Variants in MYO9A observed in about 807,000 individuals in gnomAD.
MYO9A encodes the protein unconventional myosin-IXa.
In MYO9A, 103 loss-of-function variants were observed where a neutral mutation model predicts 293.3. The ratio of observed to expected loss-of-function variants is 0.35; its 90% CI spans 0.30 to 0.41. The LOEUF (loss-of-function observed/expected upper bound fraction) is 0.41, where lower values mean the gene tolerates loss of function less well. Among genes scored for constraint, MYO9A ranks in the 10% least tolerant of loss-of-function variants. The pLI, the probability that MYO9A is intolerant of heterozygous loss-of-function variation, is 1.00. For synonymous variants in MYO9A, 1,001 were observed against 1,035.7 expected (o/e 0.97, Z 0.64); for missense variants, 2,685 against 3,033.0 (o/e 0.89, Z 2.69).
chr15:71,923,288 G>A (rs1169052254), intron 18 of MYO9A, among the ~76,000 whole-genome samples: 1 of 152,046 alleles, frequency 6.6e-6, no homozygotes, highest in Non-Finnish European at 1.5e-5. Flanking sequence ...AGTTTGTTGA[G>A]GATTTATGCA....
intron 14 of MYO9A, among the ~76,000 whole-genome samples, chr15:71,957,448 A>G (rs141699085): frequency 1.5e-3 from 225 of 152,216 alleles, no homozygotes; most frequent in African/African-American, 4.7e-3. Context: ...TTGCCCTACT[A>G]TACTGCCCAA....
At chr15:71,942,606 A>C (rs995316010) in intron 15 of MYO9A, among the ~76,000 whole-genome samples, 2 of 151,912 alleles carry the variant, frequency 1.3e-5, no homozygotes, top group African/African-American at 4.8e-5. Context: ...TTTGTTCCAC[A>C]AATTGTATAC....
intron 18 of MYO9A, among the ~76,000 whole-genome samples, chr15:71,924,884 C>T (rs2058251285): frequency 6.6e-6 from 1 of 151,032 alleles, no homozygotes; most frequent in Non-Finnish European, 1.5e-5. Flanking sequence ...CGTGTCACTG[C>T]ACTCCAGTCT....
chr15:72,103,670 G>GAAGTAA (rs2080471943), intron 1 of MYO9A, among the ~76,000 whole-genome samples: 1 of 152,232 alleles, frequency 6.6e-6, no homozygotes, highest in African/African-American at 2.4e-5. Context: ...AGAAGCAGCA[G>GAAGTAA]CAGAAGCAGA....
chr15:71,863,901 G>GTTT lies in MYO9A; in HGVS notation c.5980-1291_5980-1290insAAA, dbSNP rs931003818. Among the ~76,000 whole-genome samples the GTTT allele has an allele frequency of 1.4e-3, 215 of 152,116 alleles. 1 individual carries two copies. Among genetic ancestry groups the GTTT allele is most frequent in the African/African-American group, 5.0e-3 (206 of 41,480 alleles). On this transcript the variant is annotated intron_variant, in intron 32 of 41. Coordinates refer to ENST00000356056, the MANE Select transcript of MYO9A (RefSeq NM_006901.4). ...ATACGGCACCAAAACTTTACATATG[G>GTTT]TAACTTAAAAGTTAAGTAAAATACC... is the stretch of plus-strand genomic sequence containing the variant.
intron 16 of MYO9A, among the ~76,000 whole-genome samples, chr15:71,937,822 C>T (rs1341319576): frequency 6.6e-6 from 1 of 152,002 alleles, no homozygotes; most frequent in Non-Finnish European, 1.5e-5. Flanking sequence ...AATTGGGTTC[C>T]CATCTGATGA....
At chr15:71,916,243 G>C in intron 19 of MYO9A, 127 bp downstream of exon 19, 1 of 1,145,392 alleles carries the variant, frequency 8.7e-7, no homozygotes, top group Non-Finnish European at 1.2e-6. Context: ...AAAATGATCA[G>C]TAATATATGG....
chr15:71,992,034 C>T (rs2076556229), intron 10 of MYO9A, among the ~76,000 whole-genome samples: 1 of 151,902 alleles, frequency 6.6e-6, no homozygotes, highest in Non-Finnish European at 1.5e-5. Flanking sequence ...GGATTACAGG[C>T]GTGAGCCACC....
At chr15:71,985,958 T>G (rs1026437418) in intron 11 of MYO9A, among the ~76,000 whole-genome samples, 1 of 152,172 alleles carries the variant, frequency 6.6e-6, no homozygotes, top group East Asian at 1.9e-4. Flanking sequence ...CAACTGTTGT[T>G]CAATTTACTG....
chr15:71,860,383 A>T (rs1299272732), intron 33 of MYO9A, among the ~76,000 whole-genome samples: 1 of 152,192 alleles, frequency 6.6e-6, no homozygotes, highest in Non-Finnish European at 1.5e-5. Flanking sequence ...GATAAAGAAA[A>T]TGTTCAGAGC....
chr15:71,907,785 G>A (rs1239966679), intron 19 of MYO9A, among the ~76,000 whole-genome samples: 4 of 151,986 alleles, frequency 2.6e-5, no homozygotes, highest in Non-Finnish European at 4.4e-5. Flanking sequence ...GCTTTTTGAT[G>A]GGGTTGTTTG....
At chr15:71,903,084 A>G (rs780981281) in intron 21 of MYO9A, 21 bp from the exon 22 acceptor site, 91 of 1,566,154 alleles carry the variant, frequency 5.8e-5, no homozygotes, top group Non-Finnish European at 7.5e-5. Context: ...ATTTAAAAAT[A>G]TTGTAAAATC....
intron 36 of MYO9A, 55 bp downstream of exon 36, chr15:71,852,077 G>A (rs1170207292): frequency 1.3e-6 from 2 of 1,525,406 alleles, no homozygotes; most frequent in Non-Finnish European, 1.8e-6. Flanking sequence ...TACTCAAGAT[G>A]GCATTTCTTT....
intron 14 of MYO9A, among the ~76,000 whole-genome samples, chr15:71,957,231 T>C (rs930365772): frequency 1.3e-5 from 2 of 152,224 alleles, no homozygotes; most frequent in Non-Finnish European, 2.9e-5. Flanking sequence ...CACTAAAATA[T>C]GTATTAGGCA....
rs1328606437 is a variant in MYO9A at position 71,826,546 on chromosome 15, C to T, written c.*34G>A. 3.2e-6 allele frequency: 5 copies of T among 1,538,610 alleles called. No individual in the cohort carries two copies. Among genetic ancestry groups the T allele is most frequent in the Non-Finnish European group, 4.4e-6 (5 of 1,147,510 alleles). The stretch of plus-strand genomic sequence containing the variant: ...CCCCAAAGGTGAGATTTGTTTACCA[C>T]TCTGTAGCCACGGAGGGACACACAT... On this transcript the variant is annotated 3_prime_UTR_variant, in exon 42 of 42. Transcript: ENST00000356056.
chr15:72,053,807 G>C (rs902019628), intron 1 of MYO9A, among the ~76,000 whole-genome samples: 8 of 151,976 alleles, frequency 5.3e-5, no homozygotes, highest in Non-Finnish European at 2.9e-5. Context: ...GAAACTAAAA[G>C]TTAAAAATAA....
rs756887473 is a variant in MYO9A at position 71,893,661 on chromosome 15, C to T, written c.5142+18G>A. 6.3e-7 allele frequency: 1 copy of T among 1,593,876 alleles called. No individual in the cohort carries two copies. ...CTCTTTTGTATAGAAGATAGATAAA[C>T]AAAAACTCAAAACTTACCTCTCTTT... On this transcript the variant is annotated intron_variant, in intron 26 of 41. Coordinates refer to ENST00000356056, the MANE Select transcript of MYO9A (RefSeq NM_006901.4).
chr15:72,042,696 AAAGT>A (rs1441401798), intron 2 of MYO9A, among the ~76,000 whole-genome samples: 1 of 152,016 alleles, frequency 6.6e-6, no homozygotes, highest in Non-Finnish European at 1.5e-5. Flanking sequence ...TCCAAACTGG[AAAGT>A]AAGAAAAACT....
Position 71,826,475 on chromosome 15 carries a change from G to T in MYO9A, c.*105C>A. On this transcript the variant is annotated 3_prime_UTR_variant, in exon 42 of 42. Transcript: ENST00000356056. Reference sequence around the variant, plus strand: ...AGCCATATGCTTAGAAAAGAGGCAGGACCACAATTAGGATTGACTATTGTG... The same window carrying T: ...AGCCATATGCTTAGAAAAGAGGCAGTACCACAATTAGGATTGACTATTGTG... 8.8e-7 allele frequency: 1 copy of T among 1,138,474 alleles called. No individual in the cohort carries two copies. The highest frequency in any genetic ancestry group is 1.2e-6 in the Non-Finnish European group (1 of 803,236). The allele number at this position is 1,138,474 out of a possible 1,614,324, so 70.5% of individuals were successfully genotyped here.
Sources: gnomAD v4.1 joint callset for allele counts (sites outside exome capture counted in the v4.1 genomes callset) on GRCh38, gnomAD v4.1.1 for gene constraint, MANE v1.5 for transcripts, NCBI Gene and HGNC (gene_info 2026-07-23, HGNC 2026-07-21) for gene names.